Variants in MYBPC1 observed in about 807,000 individuals in gnomAD.
MYBPC1 encodes myosin binding protein C1.
Under a neutral mutation model 147.1 loss-of-function variants are expected in MYBPC1, and 52 were observed. That is an observed-to-expected ratio of 0.35 (90% confidence interval 0.28 to 0.45). MYBPC1 has a LOEUF of 0.45. Ranked by LOEUF, MYBPC1 falls within the 20% of genes least tolerant of loss-of-function variation. The probability of loss-of-function intolerance (pLI) is 1.00; values close to 1 mark genes in which losing one functional copy is unlikely to be tolerated. For missense variants in MYBPC1, 1,228 were observed against 1,440.3 expected (o/e 0.85, Z 2.39); for synonymous variants, 477 against 475.9 (o/e 1.00, Z -0.03).
intron 1 of MYBPC1, among the ~76,000 whole-genome samples, chr12:101,605,472 A>T (rs558892175): frequency 3.9e-5 from 6 of 152,338 alleles, no homozygotes; most frequent in Non-Finnish European, 7.3e-5. Context: ...ACTAAAGATC[A>T]TTTGTTTATG....
rs1225736891 is a variant in MYBPC1 at position 101,595,086 on chromosome 12, A to G, written c.16A>G (p.Lys6Glu). Residue 6 changes from lysine to glutamate, a missense_variant, in exon 1 of 32, where the codon AAG (lysine) becomes GAG (glutamate). Around this residue, in one of 2 missense-constraint regions of MYBPC1, gnomAD observed 151 missense variants for 126.1 expected, o/e 1.20. Coordinates refer to ENST00000361466, the MANE Select transcript of MYBPC1 (RefSeq NM_002465.4). MPEPT[K>E]KEENEVPAPA... The stretch of plus-strand genomic sequence containing the variant: ...TATTGTGGCCATGCCAGAACCCACT[A>G]AGAAAGAGGGTAAGACTTATCTAGA... 6.2e-7 allele frequency: 1 copy of G among 1,612,784 alleles called. No homozygotes were observed. Among genetic ancestry groups the G allele is most frequent in the African/African-American group, 1.3e-5 (1 of 74,878 alleles).
chr12:101,673,004 C>T (rs1049041736), intron 24 of MYBPC1, among the ~76,000 whole-genome samples: 2 of 152,128 alleles, frequency 1.3e-5, no homozygotes, highest in Non-Finnish European at 2.9e-5. Flanking sequence ...GTCACACAGA[C>T]GTTAAGTGGT....
At chr12:101,666,727 A>G in intron 22 of MYBPC1, 1 of 1,610,776 alleles carries the variant, frequency 6.2e-7, no homozygotes, top group Non-Finnish European at 8.5e-7. Flanking sequence ...ATTAATTTTA[A>G]TGACGGATTC....
At position 101,680,479 on chromosome 12, in the gene MYBPC1, C is replaced by T; in HGVS notation, c.3383C>T (p.Ala1128Val). ...GATGGAGGCACTTACTGCTGCAAAG[C>T]AGTCAATGACCTTGGGACAGTGGAG... ...PYDGGTYCCK[A>V]VNDLGTVEIE... is the part of the protein sequence containing the mutation. Residue 1128 changes from alanine to valine, a missense_variant, in exon 29 of 32, where the codon GCA becomes GTA. By Grantham distance (64) the Ala-to-Val change is moderately conservative. Around this residue, in one of 2 missense-constraint regions of MYBPC1, gnomAD observed 1,077 missense variants for 1,314.2 expected, o/e 0.82. Transcript: ENST00000361466. 1 of 1,614,162 alleles carries T rather than the reference C, an allele frequency of 6.2e-7. No homozygotes were observed. Among genetic ancestry groups the T allele is most frequent in the Non-Finnish European group, 8.5e-7 (1 of 1,180,002 alleles).
chr12:101,643,712 ATCTT>A (rs1183429413), intron 11 of MYBPC1, among the ~76,000 whole-genome samples: 5 of 152,284 alleles, frequency 3.3e-5, no homozygotes, highest in South Asian at 2.1e-4. Context: ...GAAGTTAACT[ATCTT>A]TATTTAGGAC....
At chr12:101,610,844 T>G (rs1258227636) in intron 1 of MYBPC1, among the ~76,000 whole-genome samples, 4 of 152,150 alleles carry the variant, frequency 2.6e-5, no homozygotes, top group Non-Finnish European at 4.4e-5. Context: ...GGAAAGGAAG[T>G]GCAGGCCCGG....
chr12:101,659,581 T>C, intron 18 of MYBPC1, 91 bp from the exon 19 acceptor site: 5 of 1,326,284 alleles, frequency 3.8e-6, no homozygotes, highest in Non-Finnish European at 5.4e-6. Context: ...ATACACTCTA[T>C]AGTCTGCTGA....
At chr12:101,690,907 A>G (rs986801427), downstream of MYBPC1, among the ~76,000 whole-genome samples, 4 of 152,200 alleles carry the variant, frequency 2.6e-5, no homozygotes, top group African/African-American at 9.7e-5. Context: ...GAAACTATAA[A>G]AGTATAAAAC....
downstream of MYBPC1, among the ~76,000 whole-genome samples, chr12:101,688,065 T>C (rs1951376471): frequency 6.6e-6 from 1 of 152,240 alleles, no homozygotes; most frequent in Non-Finnish European, 1.5e-5. Flanking sequence ...AATTTCACTC[T>C]ATTAAAAAAT....
At position 101,638,091 on chromosome 12, in the gene MYBPC1, G is replaced by A. The variant is rs17031726; in HGVS notation, c.665+1363G>A. 4.7e-3 allele frequency among the ~76,000 whole-genome samples: 720 copies of A among 152,284 alleles called. 7 individuals are homozygous for A. Among genetic ancestry groups the A allele is most frequent in the African/African-American group, 0.017 (689 of 41,570 alleles). On this transcript the variant is annotated intron_variant, in intron 10 of 31. Coordinates refer to ENST00000361466, the MANE Select transcript of MYBPC1 (RefSeq NM_002465.4). ...ACCCAAACCCAAGTTTCCCTTTTAT[G>A]AGTCAGCTCATTTCCTGTGACTCCA...
chr12:101,626,811 C>T lies in MYBPC1; in HGVS notation c.104-61C>T, dbSNP rs117618038. ...ATCTTCTTTTTCAGATTTCTCTTTTCTCAGGTTACTTGGGATGAAGTCTTT... is the reference window on the plus strand; with the variant it reads ...ATCTTCTTTTTCAGATTTCTCTTTTTTCAGGTTACTTGGGATGAAGTCTTT... On this transcript the variant is annotated intron_variant, in intron 3 of 31. Coordinates refer to ENST00000361466, the MANE Select transcript of MYBPC1 (RefSeq NM_002465.4). 14,643 of 1,347,110 alleles carry T rather than the reference C, an allele frequency of 0.011. 106 individuals are homozygous for T. Among genetic ancestry groups the T allele is most frequent in the Non-Finnish European group, 0.014 (13,045 of 936,850 alleles). The allele number at this position is 1,347,110 out of a possible 1,614,324, so 83.4% of individuals were successfully genotyped here. A position where few individuals can be genotyped will look rare whatever the true frequency, so the allele number is the denominator to read the frequency against.
At chr12:101,661,758 G>A (rs1896583767) in intron 20 of MYBPC1, among the ~76,000 whole-genome samples, 1 of 151,680 alleles carries the variant, frequency 6.6e-6, no homozygotes, top group South Asian at 2.1e-4. Flanking sequence ...GCATGGTGGT[G>A]CGCACCTGTG....
chr12:101,613,573 C>T (rs796277110), intron 1 of MYBPC1, among the ~76,000 whole-genome samples: 25 of 152,280 alleles, frequency 1.6e-4, no homozygotes, highest in African/African-American at 5.5e-4. Context: ...ATTCCCAATT[C>T]TGGGCATCCA....
chr12:101,631,848 G>A lies in MYBPC1; in HGVS notation c.438+129G>A, dbSNP rs1889963107. The A allele has an allele frequency of 3.5e-6, 5 of 1,426,108 alleles. No homozygotes were observed. In the Admixed American group the frequency reaches 9.0e-5, roughly 26 times the overall value. 88.3% of individuals were successfully genotyped at this position (1,426,108 alleles called of 1,614,324 possible). ...AATCCTCTGAAGTTACCATTGCAGT[G>A]TCTACACTCTATTGCGATTGCCCGG... On this transcript the variant is annotated intron_variant, in intron 7 of 31. Coordinates refer to ENST00000361466, the MANE Select transcript of MYBPC1 (RefSeq NM_002465.4).
At position 101,663,474 on chromosome 12, in the gene MYBPC1, C is replaced by G. The variant is rs139486867; in HGVS notation, c.2270C>G (p.Thr757Arg). The G allele has an allele frequency of 1.9e-6, 3 of 1,613,814 alleles. No homozygotes were observed. Among genetic ancestry groups the G allele is most frequent in the Non-Finnish European group, 2.5e-6 (3 of 1,179,840 alleles). The part of the protein sequence containing the change: ...TLLTVDSVTD[T>R]TVTMRWRPPD... ...CTGACTGTGGACTCTGTCACTGACA[C>G]GACTGTCACGATGAGGTGGCGCCCC... Residue 757 changes from threonine (T) to arginine (R), a missense_variant, in exon 22 of 32, where the codon ACG (threonine) becomes AGG (arginine). By Grantham distance (71) the Thr-to-Arg change is moderately conservative. Transcript: ENST00000361466.
chr12:101,615,352 T>G (rs1339100115), intron 2 of MYBPC1, among the ~76,000 whole-genome samples: 1 of 152,162 alleles, frequency 6.6e-6, no homozygotes, highest in African/African-American at 2.4e-5. Flanking sequence ...AAAGTGGCCT[T>G]CCTCATCCCT....
At chr12:101,679,624 G>A (rs1441466632) in intron 28 of MYBPC1, among the ~76,000 whole-genome samples, 1 of 152,082 alleles carries the variant, frequency 6.6e-6, no homozygotes, top group Non-Finnish European at 1.5e-5. Context: ...TGGGCAATTG[G>A]GTCATTACTG....
At chr12:101,600,026 C>T (rs1879219769) in intron 1 of MYBPC1, among the ~76,000 whole-genome samples, 1 of 152,150 alleles carries the variant, frequency 6.6e-6, no homozygotes, top group East Asian at 1.9e-4. Context: ...ATTCTTTCCT[C>T]TGAAGCGCCC....
chr12:101,632,570 C>T (rs529763319), intron 8 of MYBPC1, among the ~76,000 whole-genome samples: 1 of 152,254 alleles, frequency 6.6e-6, no homozygotes, highest in East Asian at 1.9e-4. Flanking sequence ...ATGTTCTGTG[C>T]ACTACCCAGA....
Sources: allele counts gnomAD v4.1 joint callset (sites outside exome capture counted in the v4.1 genomes callset), GRCh38; gene constraint gnomAD v4.1.1; regional missense constraint gnomAD v4.1.1; transcripts MANE v1.5; gene names NCBI Gene and HGNC (gene_info 2026-07-23, HGNC 2026-07-21).